FAAH2: variants seen among roughly 807,000 people sequenced by gnomAD.
FAAH2 encodes fatty acid amide hydrolase 2, also known as fatty-acid amide hydrolase 2.
In FAAH2, 60 loss-of-function variants were observed where a neutral mutation model predicts 36.9. The ratio of observed to expected loss-of-function variants is 1.63; its 90% CI spans 1.32 to 2.02. The LOEUF (loss-of-function observed/expected upper bound fraction) is 2.02, where lower values mean the gene tolerates loss of function less well. Among genes scored for constraint, FAAH2 ranks in the 30% most tolerant of loss-of-function variants. The probability of loss-of-function intolerance (pLI) is 0.00; values close to 1 mark genes in which losing one functional copy is unlikely to be tolerated. For missense variants in FAAH2, 689 were observed against 397.5 expected, an observed-to-expected ratio of 1.73 and a Z score of -6.23; for synonymous variants, 214 against 143.8, an observed-to-expected ratio of 1.49 and a Z score of -3.49.
At chrX:57,193,909 A>C in the FAAH2 span, among the ~76,000 whole-genome samples, 1 of 111,538 alleles carries the variant, frequency 9.0e-6, no homozygotes, top group Non-Finnish European at 1.9e-5. Flanking sequence ...TGTATTGTTG[A>C]ATTTGGTTTG....
intron 10 of FAAH2, among the ~76,000 whole-genome samples, chrX:57,471,598 C>T (rs1021809979): frequency 1.8e-5 from 2 of 111,653 alleles, no homozygotes; most frequent in Middle Eastern, 9.2e-3. Flanking sequence ...AAAGAGGATG[C>T]ACATAAATGG....
At chrX:57,341,743 C>G (rs938357007) in intron 5 of FAAH2, among the ~76,000 whole-genome samples, 1 of 110,618 alleles carries the variant, frequency 9.0e-6, no homozygotes, top group Admixed American at 9.6e-5. Context: ...TTCAAACCTA[C>G]TTGGATTACA....
chrX:57,481,759 G>T (rs1201580917), intron 10 of FAAH2, among the ~76,000 whole-genome samples: 1 of 112,181 alleles, frequency 8.9e-6, no homozygotes, highest in Non-Finnish European at 1.9e-5. Context: ...TGGCAGAGCT[G>T]GTGCACTGTG....
At chrX:57,316,875 A>C (rs772217887) in intron 3 of FAAH2, among the ~76,000 whole-genome samples, 1 of 111,803 alleles carries the variant, frequency 8.9e-6, no homozygotes, top group Non-Finnish European at 1.9e-5. Context: ...AACTAAATGA[A>C]AAATTTACAA....
At chrX:57,204,191 A>G in the FAAH2 span, among the ~76,000 whole-genome samples, 1 of 111,247 alleles carries the variant, frequency 9.0e-6, no homozygotes, top group East Asian at 2.8e-4. Context: ...TACGCTCATT[A>G]TTTCTGTCCA....
At chrX:57,191,185 G>C in the FAAH2 span, among the ~76,000 whole-genome samples, 1 of 111,939 alleles carries the variant, frequency 8.9e-6, no homozygotes, top group African/African-American at 3.2e-5. Context: ...GCCATTTTAA[G>C]TGGAGTGAGA....
chrX:57,341,688 C>G (rs751318129), intron 5 of FAAH2, among the ~76,000 whole-genome samples: 47 of 109,601 alleles, frequency 4.3e-4, no homozygotes, highest in Admixed American at 4.9e-4. Context: ...TTAAATAAAC[C>G]GGCTCCAAAT....
At chrX:57,410,265 T>A (rs1473563424) in intron 7 of FAAH2, among the ~76,000 whole-genome samples, 1 of 111,570 alleles carries the variant, frequency 9.0e-6, no homozygotes, top group East Asian at 2.8e-4. Flanking sequence ...TGGTAAGACA[T>A]GTATTGTGGC....
At chrX:57,378,607 C>T (rs749047610) in intron 5 of FAAH2, 44 bp from the exon 6 acceptor site, 1 of 1,203,056 alleles carries the variant, frequency 8.3e-7, no homozygotes, top group East Asian at 3.0e-5. Context: ...ATGCAGGGAT[C>T]ATGTCTTATT....
At chrX:57,383,904 T>C (rs763379090) in intron 7 of FAAH2, among the ~76,000 whole-genome samples, 2 of 111,658 alleles carry the variant, frequency 1.8e-5, no homozygotes, top group Non-Finnish European at 3.8e-5. Context: ...GGAGGCATCA[T>C]GCTACCTGAC....
chrX:57,124,285 G>C, the FAAH2 span, among the ~76,000 whole-genome samples: 6 of 111,287 alleles, frequency 5.4e-5, no homozygotes, highest in Non-Finnish European at 1.1e-4. Context: ...TCTTGTTTTT[G>C]TCAGGTTTGT....
chrX:57,434,715 A>G (rs999523731), intron 8 of FAAH2, among the ~76,000 whole-genome samples: 4 of 111,633 alleles, frequency 3.6e-5, no homozygotes, highest in African/African-American at 1.3e-4. Context: ...TAGAAATCCT[A>G]TTTAAGAAAA....
chrX:57,299,038 G>C (rs2052240974), intron 2 of FAAH2, among the ~76,000 whole-genome samples: 1 of 111,378 alleles, frequency 9.0e-6, no homozygotes, highest in Non-Finnish European at 1.9e-5. Flanking sequence ...AGGAGGAGCT[G>C]GTACCATTCC....
chrX:57,489,099 T>G lies in FAAH2; in HGVS notation c.*167T>G, dbSNP rs2057527039. On this transcript the variant is annotated 3_prime_UTR_variant, in exon 11 of 11. Coordinates refer to ENST00000374900, the MANE Select transcript of FAAH2 (RefSeq NM_174912.4). The stretch of plus-strand genomic sequence containing the variant: ...TTTTATTTCCTTCTCTAACTGTTGG[T>G]CTTACTAAAATGGTAATATTTGCTT... 5 of 528,786 alleles carry G rather than the reference T, an allele frequency of 9.5e-6. No homozygotes were observed. The allele number at this position is 528,786 out of a possible 1,213,427, so 43.6% of individuals were successfully genotyped here.
chrX:57,463,899 C>G (rs1569362650), intron 10 of FAAH2, among the ~76,000 whole-genome samples: 1 of 111,853 alleles, frequency 8.9e-6, no homozygotes, highest in African/African-American at 3.3e-5. Flanking sequence ...AATCACAGTA[C>G]AGGGAATATA....
chrX:57,290,162 A>G, intron 1 of FAAH2: 1 of 440,417 alleles, frequency 2.3e-6, no homozygotes, highest in Non-Finnish European at 2.8e-6. Context: ...AGCAAATGGC[A>G]ATTATGGTCA....
chrX:57,271,766 G>T, the FAAH2 span, among the ~76,000 whole-genome samples: 23 of 110,407 alleles, frequency 2.1e-4, no homozygotes, highest in South Asian at 3.5e-3. Context: ...AAGACCAAAG[G>T]TAGATAAATC....
the FAAH2 span, among the ~76,000 whole-genome samples, chrX:57,194,686 A>G: frequency 5.3e-4 from 59 of 110,322 alleles, no homozygotes; most frequent in Non-Finnish European, 1.0e-3. Context: ...TGGACCCATC[A>G]CCCAAGCAGT....
At chrX:57,180,333 T>TA in the FAAH2 span, among the ~76,000 whole-genome samples, 1 of 111,349 alleles carries the variant, frequency 9.0e-6, no homozygotes, top group Admixed American at 9.6e-5. Context: ...GAGCCATTTT[T>TA]AAAAAATATA....
Sources: allele counts gnomAD v4.1 joint callset (sites outside exome capture counted in the v4.1 genomes callset), GRCh38; gene constraint gnomAD v4.1.1; transcripts MANE v1.5; gene names NCBI Gene and HGNC (gene_info 2026-07-23, HGNC 2026-07-21).